The following EDAR variants were observed in gnomAD, a reference collection of about 807,000 sequenced individuals.
The protein encoded by EDAR is tumor necrosis factor receptor superfamily member EDAR.
In EDAR, 38 loss-of-function variants were observed where a neutral mutation model predicts 51.3. The observed-to-expected ratio is 0.74, with a 90% CI of 0.57 to 0.97. The LOEUF (loss-of-function observed/expected upper bound fraction) is 0.97. Among genes scored for constraint, EDAR ranks in the 50% least tolerant of loss-of-function variants. EDAR has a pLI of 0.00. For synonymous variants in EDAR, 227 were observed against 242.1 expected (o/e 0.94, Z 0.58); for missense variants, 528 against 595.0 (o/e 0.89, Z 1.17).
intron 11 of EDAR, among the ~76,000 whole-genome samples, chr2:108,902,195 G>A (rs1696713558): frequency 6.7e-6 from 1 of 149,320 alleles, no homozygotes; most frequent in East Asian, 2.0e-4. Flanking sequence ...GGGACAGAGT[G>A]AGACTCCGTC....
chr2:108,935,037 T>G (rs1465302353), intron 1 of EDAR, among the ~76,000 whole-genome samples: 1 of 152,200 alleles, frequency 6.6e-6, no homozygotes, highest in Non-Finnish European at 1.5e-5. Flanking sequence ...CGTCACCTGT[T>G]GGTTACCTAG....
At chr2:108,899,903 T>C (rs1010068252) in intron 11 of EDAR, among the ~76,000 whole-genome samples, 3 of 152,046 alleles carry the variant, frequency 2.0e-5, no homozygotes, top group African/African-American at 7.2e-5. Flanking sequence ...GGAGAATCGC[T>C]TGAACCTGGG....
At chr2:108,982,794 C>G (rs898783538) in intron 1 of EDAR, among the ~76,000 whole-genome samples, 8 of 152,162 alleles carry the variant, frequency 5.3e-5, no homozygotes, top group African/African-American at 1.9e-4. Flanking sequence ...TTGGTTACGT[C>G]TGCCCGTAAA....
chr2:108,956,758 A>G (rs1697932452), intron 1 of EDAR, among the ~76,000 whole-genome samples: 1 of 151,464 alleles, frequency 6.6e-6, no homozygotes, highest in Non-Finnish European at 1.5e-5. Context: ...CAAGTTTTGA[A>G]GCTCAGCAGG....
chr2:108,973,556 TGTGA>T (rs1178294537), intron 1 of EDAR, among the ~76,000 whole-genome samples: 1 of 152,306 alleles, frequency 6.6e-6, no homozygotes, highest in Admixed American at 6.5e-5. Flanking sequence ...ATTTCCAGCC[TGTGA>T]GTGTGGCTCC....
chr2:108,951,902 G>C (rs560159190), intron 1 of EDAR, among the ~76,000 whole-genome samples: 68 of 152,302 alleles, frequency 4.5e-4, no homozygotes, highest in African/African-American at 1.6e-3. Context: ...ATTGAATGGT[G>C]TACAATGATG....
At chr2:108,916,290 C>T (rs550595300) in intron 5 of EDAR, among the ~76,000 whole-genome samples, 6 of 152,314 alleles carry the variant, frequency 3.9e-5, no homozygotes, top group South Asian at 4.1e-4. Flanking sequence ...TTGTCATCTT[C>T]GCCTCTTCTT....
At chr2:108,965,881 C>A (rs370562389) in intron 1 of EDAR, among the ~76,000 whole-genome samples, 12 of 152,080 alleles carry the variant, frequency 7.9e-5, no homozygotes, top group African/African-American at 2.9e-4. Context: ...GTGCTCCCCC[C>A]TCTCCCCCCA....
At chr2:108,958,009 T>A (rs1467562563) in intron 1 of EDAR, among the ~76,000 whole-genome samples, 1 of 152,158 alleles carries the variant, frequency 6.6e-6, no homozygotes, top group Non-Finnish European at 1.5e-5. Context: ...TAAGCAGCCC[T>A]TTGGATTAAA....
chr2:108,922,840 C>G (rs1170235042), intron 5 of EDAR, among the ~76,000 whole-genome samples: 1 of 152,134 alleles, frequency 6.6e-6, no homozygotes, highest in Non-Finnish European at 1.5e-5. Context: ...AAACAGATGC[C>G]CATGAAAGCC....
intron 5 of EDAR, 42 bp downstream of exon 5, chr2:108,923,326 G>T: frequency 6.3e-7 from 1 of 1,585,920 alleles, no homozygotes; most frequent in Non-Finnish European, 8.7e-7. Flanking sequence ...AGGGATCCGT[G>T]CTGAACAAAT....
chr2:108,909,797 A>C (rs1371854394), intron 9 of EDAR, among the ~76,000 whole-genome samples: 1 of 152,198 alleles, frequency 6.6e-6, no homozygotes, highest in East Asian at 1.9e-4. Context: ...AACGCGGGAA[A>C]GGCTTCACCT....
chr2:108,912,649 G>T, intron 6 of EDAR, 29 bp downstream of exon 6: 1 of 1,554,704 alleles, frequency 6.4e-7, no homozygotes, highest in Non-Finnish European at 8.7e-7. Context: ...CCTAACTCCA[G>T]GTGATCGATA....
chr2:108,913,949 CA>C (rs71383816), intron 5 of EDAR, among the ~76,000 whole-genome samples: 46 of 109,128 alleles, frequency 4.2e-4, no homozygotes, highest in African/African-American at 8.6e-4. Flanking sequence ...GATTCCGTCT[CA>C]AAAAAAAAAA....
chr2:108,936,486 C>T (rs1697471990), intron 1 of EDAR, among the ~76,000 whole-genome samples: 2 of 152,140 alleles, frequency 1.3e-5, no homozygotes, highest in African/African-American at 4.8e-5. Flanking sequence ...CTGCGGGCTC[C>T]CTGCCCACCC....
At chr2:108,961,882 T>C (rs917607240) in intron 1 of EDAR, among the ~76,000 whole-genome samples, 7 of 152,184 alleles carry the variant, frequency 4.6e-5, no homozygotes, top group African/African-American at 1.7e-4. Flanking sequence ...AGTGAGTCCA[T>C]AGCAAGCATA....
chr2:108,917,631 G>T (rs941443337), intron 5 of EDAR, among the ~76,000 whole-genome samples: 2 of 152,102 alleles, frequency 1.3e-5, no homozygotes, highest in African/African-American at 4.8e-5. Context: ...AAGACAGAAG[G>T]TATGCTAAGA....
chr2:108,939,516 A>G (rs910499588), intron 1 of EDAR, among the ~76,000 whole-genome samples: 4 of 152,122 alleles, frequency 2.6e-5, no homozygotes, highest in Non-Finnish European at 4.4e-5. Flanking sequence ...TCCCAAGAAG[A>G]GATGATGGCT....
At chr2:108,972,119 G>T (rs1040432084) in intron 1 of EDAR, among the ~76,000 whole-genome samples, 1 of 152,244 alleles carries the variant, frequency 6.6e-6, no homozygotes, top group Admixed American at 6.5e-5. Flanking sequence ...CAGCGGAGCC[G>T]CTCCCTGATT....
Sources: gnomAD v4.1 joint callset for allele counts (sites outside exome capture counted in the v4.1 genomes callset) on GRCh38, gnomAD v4.1.1 for gene constraint, MANE v1.5 for transcripts, NCBI Gene and HGNC (gene_info 2026-07-23, HGNC 2026-07-21) for gene names.